The following FAM83E variants were observed in gnomAD, a reference collection of about 807,000 sequenced individuals.
The protein encoded by FAM83E is protein FAM83E.
In FAM83E, 29 loss-of-function variants were observed where a neutral mutation model predicts 34.3. That is an observed-to-expected ratio of 0.85 (90% CI 0.63 to 1.15). The LOEUF is 1.15. FAM83E is among the 50% of genes most tolerant of loss of function. FAM83E has a pLI of 0.00. For synonymous variants in FAM83E, 312 were observed against 311.6 expected, an observed-to-expected ratio of 1.00 and a Z score of -0.01; for missense variants, 697 against 685.0, an observed-to-expected ratio of 1.02 and a Z score of -0.20.
At chr19:48,604,109 G>A (rs147144416) in intron 5 of FAM83E, among the ~76,000 whole-genome samples, 198 bp from the exon 6 acceptor site, 3 of 152,038 alleles carry the variant, frequency 2.0e-5, no homozygotes, top group African/African-American at 7.2e-5. Context: ...CCCAAGTTAA[G>A]ACACTTATAT....
chr19:48,607,308 C>G lies in FAM83E; in HGVS notation c.758+2568G>C, dbSNP rs372414806. 6 of 1,597,358 alleles carry G rather than the reference C, an allele frequency of 3.8e-6. No individual in the cohort carries two copies. In the South Asian group the frequency reaches 6.7e-5, roughly 18 times the overall value. On this transcript the variant is annotated intron_variant, in intron 5 of 6. Coordinates refer to ENST00000263266, the MANE Select transcript of FAM83E (RefSeq NM_017708.4). The stretch of plus-strand genomic sequence containing the variant: ...GCCAGACAGTGGGGGCCACCACCAG[C>G]CTGGCACTGGGGCTGGGTATGCTGC...
rs1974097952 is a variant in FAM83E at position 48,613,993 on chromosome 19, G to GT, written c.-622dup. On this transcript the variant is annotated 5_prime_UTR_variant, in exon 3 of 7. The change abolishes the stop of an existing upstream ORF in the 5' untranslated region. Coordinates refer to ENST00000263266, the MANE Select transcript of FAM83E (RefSeq NM_017708.4). ...CAATGGCTTCCGACTGACAGTCACAGTATCTGCCTGTTGGAGCATCTGTCT... is the reference window on the plus strand; with the variant it reads ...CAATGGCTTCCGACTGACAGTCACAGTTATCTGCCTGTTGGAGCATCTGTCT... The GT allele has an allele frequency of 1.0e-6, 1 of 985,278 alleles. No individual in the cohort carries two copies. Among genetic ancestry groups the GT allele is most frequent in the East Asian group, 1.1e-4 (1 of 8,830 alleles). The allele number at this position is 985,278 out of a possible 1,614,324, so 61.0% of individuals were successfully genotyped here. A position where few individuals can be genotyped will look rare whatever the true frequency, so the allele number is the denominator to read the frequency against.
In FAM83E at chr19:48,603,781, G is replaced by A. The variant is rs560890077; in HGVS notation, c.889C>T (p.Gln297Ter). The A allele has an allele frequency of 2.5e-6, 4 of 1,589,712 alleles. No individual in the cohort carries two copies. Among genetic ancestry groups the A allele is most frequent in the African/African-American group, 1.4e-5 (1 of 72,636 alleles). Residue 297 changes from glutamine to a stop codon, truncating the protein, a stop_gained, in exon 6 of 7, where the codon CAG becomes TAG. Coordinates refer to ENST00000263266, the MANE Select transcript of FAM83E (RefSeq NM_017708.4). LOFTEE classifies it high-confidence loss of function. ...AGGCCACCTATGACCGAGGGTTTCT[G>A]GGGGGGCGCAGGTGGGAGCGGGCAG... ...ASCPLPPAPPQKPSVIGGLQR... is the reference protein window; with the variant it reads ...ASCPLPPAPP
Position 48,603,687 on chromosome 19 carries a change from G to C in FAM83E, c.983C>G (p.Pro328Arg), listed in dbSNP as rs773896990. 8 of 1,310,596 alleles carry C rather than the reference G, an allele frequency of 6.1e-6. No homozygotes were observed. The African/African-American group carries it at 1.1e-4, about 18-fold the overall frequency. 81.2% of individuals were successfully genotyped at this position (1,310,596 alleles called of 1,614,324 possible). A position where few individuals can be genotyped will look rare whatever the true frequency, so the allele number is the denominator to read the frequency against. ...RSVAPASPPPPDGPLAHRLAA... is the reference protein window; with the variant it reads ...RSVAPASPPPRDGPLAHRLAA... ...CAGGCGGTGGGCCAGCGGGCCGTCAGGCGGCGGAGGCGACGCGGGGGCCAC... is the reference window on the plus strand; with the variant it reads ...CAGGCGGTGGGCCAGCGGGCCGTCACGCGGCGGAGGCGACGCGGGGGCCAC... Residue 328 changes from proline (P) to arginine (R), a missense_variant, in exon 6 of 7, where the codon CCT (proline) becomes CGT (arginine). Pro to Arg is a moderately radical substitution (Grantham distance 103). Coordinates refer to ENST00000263266, the MANE Select transcript of FAM83E (RefSeq NM_017708.4).
rs751718316 is a variant in FAM83E at position 48,601,273 on chromosome 19, G to C, written c.1273C>G (p.Pro425Ala). 3 of 1,590,574 alleles carry C rather than the reference G, an allele frequency of 1.9e-6. No homozygotes were observed. The South Asian group carries it at 3.4e-5, about 18-fold the overall frequency. ...GGPWGEVDSR[P>A]PWGGALPLPP... is the part of the protein sequence containing the mutation. ...AGGGGCAGGGCACCGCCCCACGGAG[G>C]TCGGGAGTCCACTTCCCCCCAGGGG... Residue 425 changes from proline (P) to alanine (A), a missense_variant, in exon 7 of 7, where the codon CCT becomes GCT. Physicochemically the swap from Pro to Ala is conservative, Grantham distance 27 (BLOSUM62 -1). Transcript: ENST00000263266.
In FAM83E at chr19:48,601,227, C is replaced by T. The variant is rs768951030; in HGVS notation, c.1319G>A (p.Arg440His). Residue 440 changes from arginine (R) to histidine (H), a missense_variant, in exon 7 of 7, where the codon CGC becomes CAC. Coordinates refer to ENST00000263266, the MANE Select transcript of FAM83E (RefSeq NM_017708.4). The stretch of plus-strand genomic sequence containing the variant: ...CCGCCTTCGGGCTGGGGACAGATAG[C>T]GGAGGCGGTGGGCGGGGGGCAGGGG... ...ALPLPPAHRLRYLSPARRRFG... is the reference protein window; with the variant it reads ...ALPLPPAHRLHYLSPARRRFG... 26 of 1,608,236 alleles carry T rather than the reference C, an allele frequency of 1.6e-5. No individual in the cohort carries two copies. In the Admixed American group the frequency reaches 2.4e-4, roughly 15 times the overall value.
Position 48,610,007 on chromosome 19 carries a change from G to C in FAM83E, c.634-7C>G. 1 of 1,610,358 alleles carries C rather than the reference G, an allele frequency of 6.2e-7. No homozygotes were observed. Among genetic ancestry groups the C allele is most frequent in the East Asian group, 2.2e-5 (1 of 44,872 alleles). ...CGACACGGACATCCACGTTCTGTTG[G>C]TGTGGGGAGTGGAGGGTACACCCTT... On this transcript the variant is annotated splice_region_variant and splice_polypyrimidine_tract_variant and intron_variant, in intron 4 of 6. Transcript: ENST00000263266.
At position 48,609,983 on chromosome 19, in the gene FAM83E, G is replaced by A. The variant is rs562565251; in HGVS notation, c.651C>T (p.Val217=). ...PWNTENVDVR[V]VRGCSFQSRW... is the part of the protein sequence containing the mutation. ...GGCTCTGGAAGCTGCAGCCCCGCAC[G>A]ACACGGACATCCACGTTCTGTTGGT... is the stretch of plus-strand genomic sequence containing the variant. The change falls in exon 5 of 7, where the codon GTC becomes GTT. Residue 217 remains valine (V), a synonymous_variant. Coordinates refer to ENST00000263266, the MANE Select transcript of FAM83E (RefSeq NM_017708.4). The A allele has an allele frequency of 1.2e-5, 19 of 1,612,402 alleles. No homozygotes were observed. In the African/African-American group the frequency reaches 1.7e-4, roughly 15 times the overall value.
Position 48,605,339 on chromosome 19 carries a change from G to A in FAM83E, c.759-1428C>T, listed in dbSNP as rs183581015. 2.6e-3 allele frequency among the ~76,000 whole-genome samples: 401 copies of A among 152,210 alleles called. 2 individuals are homozygous for A. Among genetic ancestry groups the A allele is most frequent in the African/African-American group, 8.9e-3 (369 of 41,536 alleles). The stretch of plus-strand genomic sequence containing the variant: ...TGTAATCCCAGCACTTTGGGAGGCC[G>A]AGGCAGGAGGATCACTTGAGGCTAG... On this transcript the variant is annotated intron_variant, in intron 5 of 6. Coordinates refer to ENST00000263266, the MANE Select transcript of FAM83E (RefSeq NM_017708.4).
chr19:48,607,015 C>G lies in FAM83E; in HGVS notation c.758+2861G>C, dbSNP rs146817308. The G allele has an allele frequency of 5.4e-4, 866 of 1,610,638 alleles. 8 individuals are homozygous for G. In the African/African-American group the frequency reaches 0.011, roughly 20 times the overall value. ...CTGGCTGCTGCTTCTGGTGATGGCTCTGCCCCCAGGCACGACGGGCGTCAA... is the reference window on the plus strand; with the variant it reads ...CTGGCTGCTGCTTCTGGTGATGGCTGTGCCCCCAGGCACGACGGGCGTCAA... On this transcript the variant is annotated intron_variant, in intron 5 of 6. Transcript: ENST00000263266.
chr19:48,608,871 G>C (rs1337573960), intron 5 of FAM83E, among the ~76,000 whole-genome samples: 3 of 151,872 alleles, frequency 2.0e-5, no homozygotes, highest in Non-Finnish European at 2.9e-5. Flanking sequence ...GCGCTGTCTG[G>C]AGAGGTTTTC....
At position 48,613,324 on chromosome 19, in the gene FAM83E, T is replaced by C; in HGVS notation, c.49A>G (p.Arg17Gly). 1 of 1,596,734 alleles carries C rather than the reference T, an allele frequency of 6.3e-7. No homozygotes were observed. Among genetic ancestry groups the C allele is most frequent in the Non-Finnish European group, 8.5e-7 (1 of 1,174,078 alleles). Residue 17 changes from arginine (R) to glycine (G), a missense_variant, in exon 3 of 7, where the codon AGG becomes GGG. Arg to Gly is a moderately radical substitution (Grantham distance 125). Coordinates refer to ENST00000263266, the MANE Select transcript of FAM83E (RefSeq NM_017708.4). The stretch of plus-strand genomic sequence containing the variant: ...AAGCCGGGGCTGGCCCCGGGCACCC[T>C]GGGACCGGAGTCCACTCCTTCCAGC... Reference protein sequence around the residue: ...AALEGVDSGPRVPGASPGFLY... With the variant: ...AALEGVDSGPGVPGASPGFLY...
intron 4 of FAM83E, 116 bp downstream of exon 4, chr19:48,610,564 G>T: frequency 8.0e-7 from 1 of 1,253,720 alleles, no homozygotes; most frequent in Non-Finnish European, 1.1e-6. Flanking sequence ...AGATCCCAGG[G>T]GACCATCCCT....
chr19:48,602,206 AGGT>A (rs1973830563), intron 6 of FAM83E, among the ~76,000 whole-genome samples: 1 of 147,552 alleles, frequency 6.8e-6, no homozygotes, highest in Admixed American at 6.8e-5. Flanking sequence ...GTAAGGGAGA[AGGT>A]GAGGGAGGAG....
At chr19:48,602,835 TTATTATTATTA>T (rs1251453529) in intron 6 of FAM83E, among the ~76,000 whole-genome samples, 13 of 128,606 alleles carry the variant, frequency 1.0e-4, no homozygotes, top group African/African-American at 4.1e-4. Flanking sequence ...TTTATTATTA[TTATTATTATTA>T]TTATTATTAT....
chr19:48,604,652 T>C (rs1212453125), intron 5 of FAM83E, among the ~76,000 whole-genome samples: 1 of 149,266 alleles, frequency 6.7e-6, no homozygotes, highest in African/African-American at 2.5e-5. Flanking sequence ...AAATTGAGGC[T>C]GCAGTGAGCC....
chr19:48,614,671 CCCA>C, intron 2 of FAM83E, 34 bp downstream of exon 2: 2 of 985,736 alleles, frequency 2.0e-6, no homozygotes, highest in Non-Finnish European at 2.4e-6. Context: ...GCCTCCCCGC[CCCA>C]CCCTCACCCA....
At chr19:48,602,563 G>A (rs1334261978) in intron 6 of FAM83E, among the ~76,000 whole-genome samples, 1 of 150,024 alleles carries the variant, frequency 6.7e-6, no homozygotes, top group Non-Finnish European at 1.5e-5. Flanking sequence ...CTCAGGACCA[G>A]GTGAAGGTAA....
In FAM83E at chr19:48,603,917, G is replaced by A. The variant is rs1436794576; in HGVS notation, c.759-6C>T. The A allele has an allele frequency of 6.3e-7, 1 of 1,591,092 alleles. No individual in the cohort carries two copies. Among genetic ancestry groups the A allele is most frequent in the African/African-American group, 1.4e-5 (1 of 73,036 alleles). On this transcript the variant is annotated splice_polypyrimidine_tract_variant and splice_region_variant and intron_variant, in intron 5 of 6. Transcript: ENST00000263266. ...GTGCGTCACTCCACGTGAAGCTGGG[G>A]GTCGGGGAGTAGGGGGTCAGAGTCT...
Sources: gnomAD v4.1 joint callset for allele counts (sites outside exome capture counted in the v4.1 genomes callset) on GRCh38, gnomAD v4.1.1 for gene constraint, MANE v1.5 for transcripts, NCBI Gene and HGNC (gene_info 2026-07-23, HGNC 2026-07-21) for gene names.